Variants in SDK1 observed in about 807,000 individuals in gnomAD.
SDK1 encodes protein sidekick-1.
A neutral mutation model predicts 245.5 loss-of-function variants in SDK1; 157 were observed. The ratio of observed to expected loss-of-function variants is 0.64; its 90% CI spans 0.56 to 0.73. SDK1 has a LOEUF of 0.73. SDK1 is among the 30% of genes least tolerant of loss of function. The pLI is 0.00. For synonymous variants in SDK1, 1,647 were observed against 1,278.5 expected (o/e 1.29, Z -6.15); for missense variants, 3,583 against 3,002.3 (o/e 1.19, Z -4.52).
chr7:3,465,059 C>G (rs1318250997), intron 1 of SDK1, among the ~76,000 whole-genome samples: 3 of 152,110 alleles, frequency 2.0e-5, no homozygotes, highest in Non-Finnish European at 4.4e-5. Flanking sequence ...TTACAGATGT[C>G]AAGAGTCAGA....
intron 19 of SDK1, among the ~76,000 whole-genome samples, chr7:4,052,317 C>T (rs548724318): frequency 6.6e-6 from 1 of 152,054 alleles, no homozygotes; most frequent in East Asian, 1.9e-4. Context: ...GGCCAGCTGA[C>T]GCATCTGGAA....
intron 5 of SDK1, among the ~76,000 whole-genome samples, chr7:3,842,575 C>G (rs1172342741): frequency 6.6e-6 from 1 of 152,138 alleles, no homozygotes; most frequent in African/African-American, 2.4e-5. Context: ...GTCTGGAACC[C>G]AGGTGACTCG....
In SDK1 at chr7:3,967,405, C is replaced by A; in HGVS notation, c.1517C>A (p.Ala506Asp). ...TAILRCEVSG[A>D]PKPAITWKRE... ...ATTCTAAGGTGTGAGGTGTCCGGGG[C>A]TCCCAAACCCGCCATCACCTGGAAA... The change falls in exon 10 of 45, where the codon GCT (alanine) becomes GAT (aspartate). Residue 506 changes from alanine (A) to aspartate (D), a missense_variant. Ala to Asp is a moderately radical substitution (Grantham distance 126). Transcript: ENST00000404826. The A allele has an allele frequency of 6.2e-7, 1 of 1,613,854 alleles. No individual in the cohort carries two copies. Among genetic ancestry groups the A allele is most frequent in the Non-Finnish European group, 8.5e-7 (1 of 1,179,746 alleles).
rs1447101474 is a variant in SDK1 at position 3,960,896 on chromosome 7, T to A, written c.1235-1761T>A. 2.6e-5 allele frequency among the ~76,000 whole-genome samples: 4 copies of A among 152,238 alleles called. No individual in the cohort carries two copies. The East Asian group carries it at 7.7e-4, about 29-fold the overall frequency. On this transcript the variant is annotated intron_variant, in intron 8 of 44. Transcript: ENST00000404826. The stretch of plus-strand genomic sequence containing the variant: ...GAAGCTATAAAATATTTAGCGAGCT[T>A]ATATTTCAGAAATAAGAGTATACAA...
At chr7:3,748,414 T>G (rs1779685976) in intron 4 of SDK1, among the ~76,000 whole-genome samples, 1 of 152,234 alleles carries the variant, frequency 6.6e-6, no homozygotes, top group Non-Finnish European at 1.5e-5. Flanking sequence ...AGCCTGTATA[T>G]ATTATAACGG....
At chr7:4,220,930 C>G (rs1313245595) in intron 39 of SDK1, among the ~76,000 whole-genome samples, 1 of 140,902 alleles carries the variant, frequency 7.1e-6, no homozygotes, top group Non-Finnish European at 1.5e-5. Context: ...GCTACAGGTG[C>G]AAGCCACCAC....
At chr7:3,348,184 G>A (rs1034223068) in intron 1 of SDK1, among the ~76,000 whole-genome samples, 8 of 152,080 alleles carry the variant, frequency 5.3e-5, no homozygotes, top group African/African-American at 9.7e-5. Flanking sequence ...CATAGCCCAG[G>A]CTTACTGCTT....
At chr7:4,011,793 G>A (rs1242200917) in intron 15 of SDK1, among the ~76,000 whole-genome samples, 3 of 152,186 alleles carry the variant, frequency 2.0e-5, no homozygotes, top group Non-Finnish European at 2.9e-5. Flanking sequence ...ACGGCAGGCC[G>A]ACGAGCGGAC....
At position 4,221,235 on chromosome 7, in the gene SDK1, G is replaced by C. The variant is rs569451105; in HGVS notation, c.5702-4G>C. 1 of 1,612,728 alleles carries C rather than the reference G, an allele frequency of 6.2e-7. No homozygotes were observed. The highest frequency in any genetic ancestry group is 2.2e-5 in the East Asian group (1 of 44,864). Reference sequence around the variant, plus strand: ...TCACCTCTCTTTTCTTCTTTATCCCGCAGGATCCCCGGGCTCGCCTAGAGA... The same window carrying C: ...TCACCTCTCTTTTCTTCTTTATCCCCCAGGATCCCCGGGCTCGCCTAGAGA... On this transcript the variant is annotated splice_region_variant and splice_polypyrimidine_tract_variant and intron_variant, in intron 39 of 44. Coordinates refer to ENST00000404826, the MANE Select transcript of SDK1 (RefSeq NM_152744.4).
At chr7:3,650,679 C>T (rs1284900866) in intron 4 of SDK1, among the ~76,000 whole-genome samples, 1 of 152,178 alleles carries the variant, frequency 6.6e-6, no homozygotes, top group Non-Finnish European at 1.5e-5. Context: ...CTCTTATTAA[C>T]CTTTTATGGC....
chr7:3,375,269 A>G (rs1412354356), intron 1 of SDK1, among the ~76,000 whole-genome samples: 1 of 152,244 alleles, frequency 6.6e-6, no homozygotes, highest in African/African-American at 2.4e-5. Context: ...AACTTATGCT[A>G]AAGCTGTAAT....
chr7:3,868,616 C>A (rs1270654630), intron 5 of SDK1, among the ~76,000 whole-genome samples: 1 of 152,202 alleles, frequency 6.6e-6, no homozygotes, highest in African/African-American at 2.4e-5. Context: ...TTTTCTCCCA[C>A]AATAATGTAT....
chr7:3,616,113 C>T (rs1032273078), intron 1 of SDK1, among the ~76,000 whole-genome samples: 28 of 152,122 alleles, frequency 1.8e-4, no homozygotes, highest in African/African-American at 6.5e-4. Context: ...GTCTTGCACT[C>T]GAGCTCAAGC....
At chr7:4,122,242 T>G (rs565010825) in intron 25 of SDK1, among the ~76,000 whole-genome samples, 14 of 152,294 alleles carry the variant, frequency 9.2e-5, no homozygotes, top group African/African-American at 3.4e-4. Context: ...GTTTTGACTT[T>G]GGGCCTTCCC....
chr7:4,074,916 A>ATATTTT (rs1434239449), intron 20 of SDK1, among the ~76,000 whole-genome samples: 3 of 64,626 alleles, frequency 4.6e-5, no homozygotes, highest in African/African-American at 1.2e-4. Flanking sequence ...ATATATATAT[A>ATATTTT]TTTTTTTTTT....
intron 1 of SDK1, among the ~76,000 whole-genome samples, chr7:3,552,551 G>C (rs1779452101): frequency 6.6e-6 from 1 of 152,112 alleles, no homozygotes; most frequent in Non-Finnish European, 1.5e-5. Flanking sequence ...TTTTTCCTTG[G>C]AAATAATTAT....
intron 19 of SDK1, among the ~76,000 whole-genome samples, chr7:4,063,504 A>G (rs1035013988): frequency 6.6e-6 from 1 of 152,060 alleles, no homozygotes; most frequent in Non-Finnish European, 1.5e-5. Flanking sequence ...GATCAGAAGA[A>G]TTAGCATTAT....
Position 3,587,303 on chromosome 7 carries a change from G to A in SDK1, c.299-31777G>A, listed in dbSNP as rs1215537989. ...AAGATTCTCCAGAGAAACAGAACGTGTGTGTGTGTGTGTGTGTGTGTGTGT... is the reference window on the plus strand; with the variant it reads ...AAGATTCTCCAGAGAAACAGAACGTATGTGTGTGTGTGTGTGTGTGTGTGT... On this transcript the variant is annotated intron_variant, in intron 1 of 44. Coordinates refer to ENST00000404826, the MANE Select transcript of SDK1 (RefSeq NM_152744.4). Among the ~76,000 whole-genome samples, 4 of 32,332 alleles carry A rather than the reference G, an allele frequency of 1.2e-4. No individual in the cohort carries two copies. The African/African-American group carries it at 1.6e-3, about 13-fold the overall frequency. 21.2% of individuals were successfully genotyped at this position (32,332 alleles called of 152,430 possible).
chr7:3,376,758 C>T (rs1781365695), intron 1 of SDK1, among the ~76,000 whole-genome samples: 1 of 152,080 alleles, frequency 6.6e-6, no homozygotes, highest in Non-Finnish European at 1.5e-5. Flanking sequence ...TAAATTTATG[C>T]TAAGGTAATC....
Sources: allele counts gnomAD v4.1 joint callset (sites outside exome capture counted in the v4.1 genomes callset), GRCh38; gene constraint gnomAD v4.1.1; transcripts MANE v1.5; gene names NCBI Gene and HGNC (gene_info 2026-07-23, HGNC 2026-07-21).